Variants in SUB1 observed in about 807,000 individuals in gnomAD.
The protein encoded by SUB1 is activated RNA polymerase II transcriptional coactivator p15.
In SUB1, 1 loss-of-function variant was observed where a neutral mutation model predicts 16.9. The ratio of observed to expected loss-of-function variants is 0.06; its 90% confidence interval spans 0.02 to 0.28. SUB1 has a LOEUF of 0.28. Among genes scored for constraint, SUB1 ranks in the 10% least tolerant of loss-of-function variants. SUB1 has a pLI of 1.00. For missense variants in SUB1, 84 were observed against 145.2 expected, an observed-to-expected ratio of 0.58 and a Z score of 2.16; for synonymous variants, 51 against 46.9, an observed-to-expected ratio of 1.09 and a Z score of -0.36.
In SUB1 at chr5:32,601,921, A is replaced by T. The variant is rs1305605654; in HGVS notation, c.*837A>T. 1 of 173,738 alleles carries T rather than the reference A, an allele frequency of 5.8e-6. No homozygotes were observed. The highest frequency in any genetic ancestry group is 2.4e-5 in the African/African-American group (1 of 41,872). 10.8% of individuals were successfully genotyped at this position (173,738 alleles called of 1,614,324 possible). On this transcript the variant is annotated 3_prime_UTR_variant, in exon 5 of 5. Transcript: ENST00000265073. The stretch of plus-strand genomic sequence containing the variant: ...ATGTCTGTAACATCAGATATTGTTC[A>T]ACTAGACTAGGATTTAATAAAAATT...
At chr5:32,586,456 C>G (rs907054366) in intron 1 of SUB1, 3 of 152,286 alleles carry the variant, frequency 2.0e-5, no homozygotes, top group African/African-American at 7.2e-5. Context: ...ACTTGAATTA[C>G]AAGCTGCTTC....
intron 2 of SUB1, 50 bp from the exon 3 acceptor site, chr5:32,591,513 G>C (rs1738824260): frequency 6.5e-7 from 1 of 1,541,482 alleles, no homozygotes; most frequent in Non-Finnish European, 8.7e-7. Context: ...TTTGACACTG[G>C]GGTATGTTTT....
chr5:32,596,163 G>T (rs962449896), intron 3 of SUB1: 2 of 152,150 alleles, frequency 1.3e-5, no homozygotes, highest in Non-Finnish European at 2.9e-5. Context: ...AATAAGGGGG[G>T]ACTGGCAGTT....
intron 3 of SUB1, chr5:32,594,622 G>A (rs1469809383): frequency 4.4e-6 from 2 of 454,636 alleles, no homozygotes; most frequent in Non-Finnish European, 8.9e-6. Context: ...GGAGGTGAGC[G>A]GTGTGTGAGT....
In SUB1 at chr5:32,601,195, A is replaced by G. The variant is rs1579520476; in HGVS notation, c.*111A>G. On this transcript the variant is annotated 3_prime_UTR_variant, in exon 5 of 5. Transcript: ENST00000265073. Reference sequence around the variant, plus strand: ...CCAAGCTATTGTATGTTTGGATTGCAGAAGAATTTGTAAGATGAATACTTT... The same window carrying G: ...CCAAGCTATTGTATGTTTGGATTGCGGAAGAATTTGTAAGATGAATACTTT... 1 of 849,538 alleles carries G rather than the reference A, an allele frequency of 1.2e-6. No homozygotes were observed. 52.6% of individuals were successfully genotyped at this position (849,538 alleles called of 1,614,324 possible).
intron 3 of SUB1, among the ~76,000 whole-genome samples, chr5:32,592,320 T>G (rs2111665179): frequency 6.6e-6 from 1 of 152,254 alleles, no homozygotes; most frequent in Non-Finnish European, 1.5e-5. Context: ...GAAGCAGCAA[T>G]GTGACATGCC....
chr5:32,593,461 T>C (rs549675786), intron 3 of SUB1, among the ~76,000 whole-genome samples: 58 of 152,312 alleles, frequency 3.8e-4, no homozygotes, highest in African/African-American at 1.3e-3. Flanking sequence ...GTTATACTTC[T>C]AGGTAAAAAA....
intron 1 of SUB1, among the ~76,000 whole-genome samples, chr5:32,587,899 G>A (rs776916878): frequency 2.6e-5 from 4 of 152,150 alleles, no homozygotes; most frequent in Non-Finnish European, 4.4e-5. Context: ...GTGAACCATC[G>A]TTCCCGGCCT....
Position 32,602,340 on chromosome 5 carries a change from A to G in SUB1, c.*1256A>G, listed in dbSNP as rs1579521450. Reference sequence around the variant, plus strand: ...GAGGAAATAATTCTCTTCTATCTAAATGATATACATATGATATTTTGAGAT... The same window carrying G: ...GAGGAAATAATTCTCTTCTATCTAAGTGATATACATATGATATTTTGAGAT... On this transcript the variant is annotated 3_prime_UTR_variant, in exon 5 of 5. Transcript: ENST00000265073. The G allele has an allele frequency of 2.5e-6, 1 of 393,356 alleles. No individual in the cohort carries two copies. The highest frequency in any genetic ancestry group is 7.4e-5 in the East Asian group (1 of 13,594). 24.4% of individuals were successfully genotyped at this position (393,356 alleles called of 1,614,324 possible).
chr5:32,590,711 T>G (rs1738798751), intron 2 of SUB1, among the ~76,000 whole-genome samples: 1 of 146,356 alleles, frequency 6.8e-6, no homozygotes, highest in African/African-American at 2.5e-5. Context: ...TTCTCCTGCC[T>G]CAGCCTTCCG....
In SUB1 at chr5:32,588,470, G is replaced by T. The variant is rs781155360; in HGVS notation, c.-1-42G>T. ...GGGGAGAGCTAAGTTGAAAGTAGTA[G>T]AGTACCTTATTAATTATTTTTGTAA... On this transcript the variant is annotated intron_variant, in intron 1 of 4. Transcript: ENST00000265073. 5.1e-6 allele frequency: 8 copies of T among 1,556,640 alleles called. No homozygotes were observed. In the Admixed American group the frequency reaches 5.2e-5, roughly 10 times the overall value.
chr5:32,598,857 A>G (rs1018668136), intron 3 of SUB1, 104 bp from the exon 4 acceptor site: 1 of 834,290 alleles, frequency 1.2e-6, no homozygotes, highest in African/African-American at 1.7e-5. Context: ...CATTTTCATG[A>G]TTAGATGTAG....
rs1270264440 is a variant in SUB1, at chr5:32,591,665, A to G, written c.175A>G (p.Arg59Gly). 5 of 1,583,864 alleles carry G rather than the reference A, an allele frequency of 3.2e-6. No individual in the cohort carries two copies. The highest frequency in any genetic ancestry group is 4.3e-6 in the Non-Finnish European group (5 of 1,169,398). The change falls in exon 3 of 5, where the codon AGA becomes GGA. Residue 59 changes from arginine (R) to glycine (G), a missense_variant. Physicochemically the swap from Arg to Gly is moderately radical, Grantham distance 125. Around this residue, in one of 2 missense-constraint regions of SUB1, gnomAD observed 60 missense variants for 64.9 expected, o/e 0.92. Coordinates refer to ENST00000265073, the MANE Select transcript of SUB1 (RefSeq NM_006713.4). ...LSSSKQSSSS[R>G]DDNMFQIGKM... Reference sequence around the variant, plus strand: ...ATCTTCTAAACAGAGCAGCAGCAGCAGAGATGATAACATGTTTCAGGTAAA... The same window carrying G: ...ATCTTCTAAACAGAGCAGCAGCAGCGGAGATGATAACATGTTTCAGGTAAA...
At chr5:32,589,128 G>GC (rs1055117675) in intron 2 of SUB1, among the ~76,000 whole-genome samples, 8 of 151,300 alleles carry the variant, frequency 5.3e-5, no homozygotes, top group African/African-American at 1.9e-4. Flanking sequence ...TTACTCTCTT[G>GC]CCGAGGCTGG....
chr5:32,601,129 A>C lies in SUB1; in HGVS notation c.*45A>C. On this transcript the variant is annotated 3_prime_UTR_variant, in exon 5 of 5. Transcript: ENST00000265073. ...AAACCTGTACTGTTCTAGTTGTTTT[A>C]ATCTGTCTTTTTACATTGGCTTTTG... is the stretch of plus-strand genomic sequence containing the variant. The C allele has an allele frequency of 6.7e-7, 1 of 1,483,950 alleles. No individual in the cohort carries two copies. Among genetic ancestry groups the C allele is most frequent in the Non-Finnish European group, 9.3e-7 (1 of 1,073,404 alleles). 91.9% of individuals were successfully genotyped at this position (1,483,950 alleles called of 1,614,324 possible).
At chr5:32,592,438 C>T (rs1688206954) in intron 3 of SUB1, among the ~76,000 whole-genome samples, 1 of 152,176 alleles carries the variant, frequency 6.6e-6, no homozygotes, top group African/African-American at 2.4e-5. Flanking sequence ...ACTCGTATAG[C>T]TTTTTCTCTT....
At position 32,601,182 on chromosome 5, in the gene SUB1, A is replaced by G. The variant is rs555858057; in HGVS notation, c.*98A>G. ...TTCTAAATGTTCTCCAAGCTATTGT[A>G]TGTTTGGATTGCAGAAGAATTTGTA... On this transcript the variant is annotated 3_prime_UTR_variant, in exon 5 of 5. Coordinates refer to ENST00000265073, the MANE Select transcript of SUB1 (RefSeq NM_006713.4). 2.1e-6 allele frequency: 2 copies of G among 950,840 alleles called. No homozygotes were observed. The highest frequency in any genetic ancestry group is 2.6e-5 in the Admixed American group (1 of 38,476). 58.9% of individuals were successfully genotyped at this position (950,840 alleles called of 1,614,324 possible).
intron 3 of SUB1, among the ~76,000 whole-genome samples, chr5:32,592,704 A>T (rs1294187053): frequency 6.6e-6 from 1 of 151,992 alleles, no homozygotes; most frequent in African/African-American, 2.4e-5. Context: ...TTGATTGTGG[A>T]TGTGATTGAA....
At chr5:32,588,787 CAT>C (rs1473382363) in intron 2 of SUB1, among the ~76,000 whole-genome samples, 1 of 151,926 alleles carries the variant, frequency 6.6e-6, no homozygotes, top group African/African-American at 2.4e-5. Flanking sequence ...ACCAGGCTAA[CAT>C]AGCAAGAACC....
Sources: allele counts gnomAD v4.1 joint callset (sites outside exome capture counted in the v4.1 genomes callset), GRCh38; gene constraint gnomAD v4.1.1; regional missense constraint gnomAD v4.1.1; transcripts MANE v1.5; gene names NCBI Gene and HGNC (gene_info 2026-07-23, HGNC 2026-07-21).